Variants in CAPZA1 observed in about 807,000 individuals in gnomAD.
CAPZA1 encodes capping actin protein of muscle Z-line subunit alpha 1.
Under a neutral mutation model 40.8 loss-of-function variants are expected in CAPZA1, and 10 were observed. That is an observed-to-expected ratio of 0.25 (90% CI 0.15 to 0.42). The LOEUF (loss-of-function observed/expected upper bound fraction) is 0.42. Ranked by LOEUF, CAPZA1 falls within the 10% of genes least tolerant of loss-of-function variation. The pLI, the probability that CAPZA1 is intolerant of heterozygous loss-of-function variation, is 1.00. For missense variants in CAPZA1, 277 were observed against 353.8 expected (o/e 0.78, Z 1.74); for synonymous variants, 98 against 115.0 (o/e 0.85, Z 0.95).
At chr1:112,663,735 C>A (rs984828563) in intron 7 of CAPZA1, among the ~76,000 whole-genome samples, 4 of 149,478 alleles carry the variant, frequency 2.7e-5, no homozygotes, top group African/African-American at 4.9e-5. Context: ...GAACTCCTGA[C>A]CTCAAGTGAT....
chr1:112,658,440 G>T (rs1671539773), intron 5 of CAPZA1, among the ~76,000 whole-genome samples: 1 of 152,040 alleles, frequency 6.6e-6, no homozygotes, highest in African/African-American at 2.4e-5. Flanking sequence ...ACTCTGACTT[G>T]TTGCCTAGAT....
At chr1:112,659,422 A>G in intron 6 of CAPZA1, 1 of 534,354 alleles carries the variant, frequency 1.9e-6, no homozygotes, top group Non-Finnish European at 3.3e-6. Context: ...AGAGCCTCCC[A>G]TGAGCAGAAT....
chr1:112,642,730 T>C (rs1218175605), intron 1 of CAPZA1, among the ~76,000 whole-genome samples: 4 of 152,218 alleles, frequency 2.6e-5, no homozygotes, highest in Non-Finnish European at 5.9e-5. Flanking sequence ...GCGGTATCAG[T>C]TCATCTTCTA....
At chr1:112,662,690 G>T (rs201683286) in intron 7 of CAPZA1, among the ~76,000 whole-genome samples, 3 of 150,978 alleles carry the variant, frequency 2.0e-5, no homozygotes, top group African/African-American at 7.3e-5. Context: ...GAGCCACTGC[G>T]CCTGGCCCTA....
intron 1 of CAPZA1, chr1:112,626,120 A>T (rs969716528): frequency 3.9e-5 from 6 of 152,246 alleles, no homozygotes; most frequent in Non-Finnish European, 8.8e-5. Flanking sequence ...CTCATTACTC[A>T]TCATCTAGAG....
chr1:112,664,913 C>T (rs749269665), intron 7 of CAPZA1, among the ~76,000 whole-genome samples: 28 of 151,704 alleles, frequency 1.8e-4, no homozygotes, highest in African/African-American at 3.6e-4. Flanking sequence ...CCAGCCTGGG[C>T]GACAAGAACA....
chr1:112,670,094 C>T lies in CAPZA1; in HGVS notation c.823C>T (p.Leu275Phe). The T allele has an allele frequency of 6.2e-7, 1 of 1,613,958 alleles. No homozygotes were observed. The highest frequency in any genetic ancestry group is 8.5e-7 in the Non-Finnish European group (1 of 1,179,854). ...TRTKIDWNKI[L>F]SYKIGKEMQN... is the part of the protein sequence containing the mutation. ...CACCAAAATCGACTGGAACAAGATA[C>T]TCAGCTACAAGATTGGCAAAGAAAT... The change falls in exon 10 of 10, where the codon CTC becomes TTC. Residue 275 changes from leucine to phenylalanine, a missense_variant. This residue lies in a region of CAPZA1 where 192 missense variants were observed against 277.2 expected (regional missense o/e 0.69). Coordinates refer to ENST00000263168, the MANE Select transcript of CAPZA1 (RefSeq NM_006135.3).
intron 7 of CAPZA1, among the ~76,000 whole-genome samples, chr1:112,665,168 G>GT (rs1476313987): frequency 8.6e-6 from 1 of 116,338 alleles, no homozygotes. Context: ...TTTGTTTGGG[G>GT]TTTTTTTGTG....
intron 1 of CAPZA1, among the ~76,000 whole-genome samples, chr1:112,628,755 C>T (rs1670862453): frequency 6.6e-6 from 1 of 152,230 alleles, no homozygotes; most frequent in Non-Finnish European, 1.5e-5. Context: ...TCTGCCCGCC[C>T]TTGGTTAATG....
intron 1 of CAPZA1, among the ~76,000 whole-genome samples, chr1:112,640,711 C>A (rs568812511): frequency 6.6e-6 from 1 of 152,354 alleles, no homozygotes; most frequent in African/African-American, 2.4e-5. Context: ...ACCGCCCCGT[C>A]TGGGAGGTGT....
intron 1 of CAPZA1, among the ~76,000 whole-genome samples, chr1:112,631,294 C>T (rs978440766): frequency 9.2e-5 from 14 of 152,114 alleles, no homozygotes; most frequent in African/African-American, 3.1e-4. Flanking sequence ...TTTTAAAAGA[C>T]AACATAACTC....
At chr1:112,622,990 A>T (rs942640433) in intron 1 of CAPZA1, among the ~76,000 whole-genome samples, 1 of 150,510 alleles carries the variant, frequency 6.6e-6, no homozygotes, top group Non-Finnish European at 1.5e-5. Flanking sequence ...AGTTCAAGTG[A>T]TTCTCCTGCC....
chr1:112,660,560 G>T (rs547358455), intron 7 of CAPZA1, among the ~76,000 whole-genome samples: 1 of 152,132 alleles, frequency 6.6e-6, no homozygotes, highest in African/African-American at 2.4e-5. Context: ...GATTACAGGC[G>T]TGAGCCACTG....
intron 6 of CAPZA1, 95 bp from the exon 7 acceptor site, chr1:112,659,606 G>C: frequency 4.3e-6 from 3 of 698,220 alleles, no homozygotes; most frequent in East Asian, 3.0e-5. Context: ...TTCTTTTTTT[G>C]CACCCCTCTT....
Position 112,654,411 on chromosome 1 carries a change from CAGTAAGA to C in CAPZA1, c.220-52_220-46del, listed in dbSNP as rs1671457592. On this transcript the variant is annotated intron_variant, in intron 4 of 9. Transcript: ENST00000263168. ...TTTTATTGATGTGTTTCATAAAAGG[CAGTAAGA>C]ATTGTCTTTTTTACAGTTACTCATA... is the stretch of plus-strand genomic sequence containing the variant. 6.3e-6 allele frequency: 7 copies of C among 1,114,102 alleles called. No homozygotes were observed. The South Asian group carries it at 1.1e-4, about 17-fold the overall frequency. 69.0% of individuals were successfully genotyped at this position (1,114,102 alleles called of 1,614,324 possible). A position where few individuals can be genotyped will look rare whatever the true frequency, so the allele number is the denominator to read the frequency against.
chr1:112,624,598 ACTCCATC>A, intron 1 of CAPZA1, among the ~76,000 whole-genome samples: 1 of 115,762 alleles, frequency 8.6e-6, no homozygotes. Context: ...ACAGAGCAAA[ACTCCATC>A]AAAAAAAAAA....
intron 1 of CAPZA1, among the ~76,000 whole-genome samples, chr1:112,632,826 G>T (rs1423609590): frequency 6.6e-6 from 1 of 152,152 alleles, no homozygotes; most frequent in African/African-American, 2.4e-5. Context: ...TACTAATAGA[G>T]AAAACAATTT....
intron 7 of CAPZA1, 55 bp downstream of exon 7, chr1:112,659,834 A>C (rs1671569574): frequency 2.9e-6 from 4 of 1,398,308 alleles, no homozygotes. Context: ...AAACATGTGC[A>C]GGTTGCTTTG....
chr1:112,640,791 T>A (rs1570710045), intron 1 of CAPZA1, among the ~76,000 whole-genome samples: 1 of 151,800 alleles, frequency 6.6e-6, no homozygotes, highest in Non-Finnish European at 1.5e-5. Flanking sequence ...GGGAGAAAGG[T>A]GGGGAAATGA....
Sources: gnomAD v4.1 joint callset for allele counts (sites outside exome capture counted in the v4.1 genomes callset) on GRCh38, gnomAD v4.1.1 for gene constraint, gnomAD v4.1.1 regional missense constraint, MANE v1.5 for transcripts, NCBI Gene and HGNC (gene_info 2026-07-23, HGNC 2026-07-21) for gene names.